Variants in EEF2 observed in about 807,000 individuals in gnomAD.
EEF2 encodes the protein eukaryotic translation elongation factor 2.
EEF2 carries 21 observed loss-of-function variants against 85.3 expected under a neutral mutation model. The observed-to-expected ratio is 0.25, with a 90% confidence interval of 0.17 to 0.35. The LOEUF (loss-of-function observed/expected upper bound fraction) is 0.35. Ranked by LOEUF, EEF2 falls within the 10% of genes least tolerant of loss-of-function variation. The probability of loss-of-function intolerance (pLI) is 1.00; values close to 1 mark genes in which losing one functional copy is unlikely to be tolerated. For synonymous variants in EEF2, 723 were observed against 508.8 expected (o/e 1.42, Z -5.67); for missense variants, 825 against 1,225.3 (o/e 0.67, Z 4.88).
chr19:3,978,803 C>CAAA (rs58074233), intron 11 of EEF2, among the ~76,000 whole-genome samples: 953 of 36,752 alleles, frequency 0.026, 155 homozygotes, highest in African/African-American at 0.069. Context: ...ACTCTTGTCT[C>CAAA]AAAAAAAAAA....
intron 6 of EEF2, 74 bp from the exon 7 acceptor site, chr19:3,981,526 G>A (rs1415108922): frequency 2.2e-6 from 3 of 1,390,344 alleles, no homozygotes; most frequent in Middle Eastern, 1.8e-4. Context: ...CTTCCTGCTT[G>A]GAAGACTCAG....
In EEF2 at chr19:3,982,029, T is replaced by C; in HGVS notation, c.815A>G (p.Lys272Arg). 1 of 1,614,162 alleles carries C rather than the reference T, an allele frequency of 6.2e-7. No individual in the cohort carries two copies. The highest frequency in any genetic ancestry group is 8.5e-7 in the Non-Finnish European group (1 of 1,180,016). ...GDRYFDPANGKFSKSATSPEG... is the reference protein window; with the variant it reads ...GDRYFDPANGRFSKSATSPEG... Reference sequence around the variant, plus strand: ...GGGGCTGGTGGCTGACTTGCTGAACTTGCCGTTGGCTGGGTCAAAGTACCT... The same window carrying C: ...GGGGCTGGTGGCTGACTTGCTGAACCTGCCGTTGGCTGGGTCAAAGTACCT... The change falls in exon 6 of 15, where the codon AAG (lysine) becomes AGG (arginine). Residue 272 changes from lysine to arginine, a missense_variant. Transcript: ENST00000309311.
intron 10 of EEF2, 41 bp downstream of exon 10, chr19:3,979,767 C>T: frequency 2.5e-6 from 4 of 1,596,244 alleles, no homozygotes; most frequent in South Asian, 2.2e-5. Flanking sequence ...AGCCGTCCCC[C>T]CTCAGGGTGT....
chr19:3,977,294 G>A lies in EEF2; in HGVS notation c.2304C>T (p.Gly768=). The change falls in exon 14 of 15, where the codon GGC becomes GGT. Residue 768 remains glycine (G), a synonymous_variant. Transcript: ENST00000309311. This position sits in a 1 kb window ranked among gnomAD's most constrained non-coding sequence, Gnocchi z 5.4. ...CCACCTGGGACTCCTCGAACACGTG[G>A]CCCCGCTTCCTGTTCAAAACCCCGT... ...GIYGVLNRKR[G]HVFEESQVAG... The A allele has an allele frequency of 1.2e-6, 2 of 1,607,498 alleles. No homozygotes were observed. The highest frequency in any genetic ancestry group is 2.2e-5 in the East Asian group (1 of 44,556).
chr19:3,981,909 G>C (rs2039753605), intron 6 of EEF2, 38 bp downstream of exon 6: 1 of 1,591,476 alleles, frequency 6.3e-7, no homozygotes, highest in Non-Finnish European at 8.6e-7. Flanking sequence ...AGGGCCAATA[G>C]TCGCATCGGC....
chr19:3,985,202 G>T, intron 1 of EEF2, 176 bp downstream of exon 1: 1 of 650,874 alleles, frequency 1.5e-6, no homozygotes, highest in Non-Finnish European at 2.3e-6. Flanking sequence ...AGGGCTCGGT[G>T]AACAGCGCGG....
intron 11 of EEF2, among the ~76,000 whole-genome samples, chr19:3,978,470 T>G (rs1416407076): frequency 2.6e-5 from 4 of 152,050 alleles, no homozygotes; most frequent in African/African-American, 7.2e-5. Flanking sequence ...TCCAGAGCAT[T>G]TGTGTTGTTT....
chr19:3,976,931 T>C (rs1251430956), intron 14 of EEF2, among the ~76,000 whole-genome samples, 184 bp from the exon 15 acceptor site: 1 of 152,196 alleles, frequency 6.6e-6, no homozygotes, highest in Admixed American at 6.5e-5. Context: ...CCGCTGCTCG[T>C]TTGGGACAAC....
intron 2 of EEF2, 90 bp downstream of exon 2, chr19:3,984,046 C>G (rs2039789618): frequency 7.1e-7 from 1 of 1,405,806 alleles, no homozygotes; most frequent in African/African-American, 1.4e-5. Context: ...GAGACGTTGC[C>G]AAGTCTCTCC....
At chr19:3,981,247 T>C in intron 7 of EEF2, 92 bp downstream of exon 7, 1 of 1,294,900 alleles carries the variant, frequency 7.7e-7, no homozygotes, top group East Asian at 2.3e-5. Context: ...CCTGCCCAGC[T>C]GAGGACTTCA....
Position 3,977,979 on chromosome 19 carries a change from G to A in EEF2, c.1907C>T (p.Ala636Val), listed in dbSNP as rs1173722167. Residue 636 changes from alanine to valine, a missense_variant, in exon 12 of 15, where the codon GCC becomes GTC. Physicochemically the swap from Ala to Val is moderately conservative, Grantham distance 64 (BLOSUM62 0). Transcript: ENST00000309311. This position sits in a 1 kb window ranked among gnomAD's most constrained non-coding sequence, Gnocchi z 5.4. ...QELKQRARYL[A>V]EKYEWDVAEA... ...AGCCACGTCCCACTCGTACTTCTCG[G>A]CCAGGTAGCGCGCCCGCTGCTTGAG... The A allele has an allele frequency of 3.7e-6, 6 of 1,612,966 alleles. No individual in the cohort carries two copies. The East Asian group carries it at 1.1e-4, about 30-fold the overall frequency.
chr19:3,979,639 T>C (rs2039720963), intron 10 of EEF2, among the ~76,000 whole-genome samples, 169 bp downstream of exon 10: 1 of 152,178 alleles, frequency 6.6e-6, no homozygotes. Context: ...TAGGAGAGGG[T>C]GGTGGCTGCC....
At chr19:3,982,616 C>T (rs1339702289) in intron 4 of EEF2, 191 bp downstream of exon 4, 3 of 1,045,802 alleles carry the variant, frequency 2.9e-6, no homozygotes, top group Non-Finnish European at 2.9e-6. Context: ...GTTCCCTGAG[C>T]TCGTCTCTTC....
At chr19:3,983,574 T>C (rs561687045) in intron 2 of EEF2, among the ~76,000 whole-genome samples, 2 of 152,038 alleles carry the variant, frequency 1.3e-5, no homozygotes, top group East Asian at 1.9e-4. Flanking sequence ...TGACTCAAAG[T>C]AGCAACTAAA....
At position 3,978,007 on chromosome 19, in the gene EEF2, C is replaced by G; in HGVS notation, c.1879G>C (p.Glu627Gln). Residue 627 changes from glutamate to glutamine, a missense_variant, in exon 12 of 15, where the codon GAG becomes CAG. Coordinates refer to ENST00000309311, the MANE Select transcript of EEF2 (RefSeq NM_001961.4). ...AGGTAGCGCGCCCGCTGCTTGAGCT[C>G]CTGACGGGCGGACACCTCGCCTTTA... ...IDKGEVSARQ[E>Q]LKQRARYLAE... 6.2e-7 allele frequency: 1 copy of G among 1,611,746 alleles called. No individual in the cohort carries two copies. Among genetic ancestry groups the G allele is most frequent in the Non-Finnish European group, 8.5e-7 (1 of 1,178,824 alleles).
rs1305014519 is a variant in EEF2 at position 3,979,323 on chromosome 19, C to T, written c.1713+6G>A. On this transcript the variant is annotated splice_donor_region_variant and intron_variant, in intron 11 of 14. Transcript: ENST00000309311. Reference sequence around the variant, plus strand: ...GCGTGGGGAAGGCTGGTCACTGGCGCCTCACCTTGATGGGGATGCAGGCGT... The same window carrying T: ...GCGTGGGGAAGGCTGGTCACTGGCGTCTCACCTTGATGGGGATGCAGGCGT... The T allele has an allele frequency of 1.2e-6, 2 of 1,613,022 alleles. No homozygotes were observed. The highest frequency in any genetic ancestry group is 4.5e-5 in the East Asian group (2 of 44,880).
Position 3,976,482 on chromosome 19 carries a change from C to G in EEF2, c.*72G>C. On this transcript the variant is annotated 3_prime_UTR_variant, in exon 15 of 15. Transcript: ENST00000309311. ...TGTCGGGACAGTCTCCAGGTGTCGTCTGAGAATTCGAGGACGTGGTGCTGT... is the reference window on the plus strand; with the variant it reads ...TGTCGGGACAGTCTCCAGGTGTCGTGTGAGAATTCGAGGACGTGGTGCTGT... The G allele has an allele frequency of 1.3e-6, 2 of 1,525,530 alleles. No individual in the cohort carries two copies. The highest frequency in any genetic ancestry group is 2.8e-5 in the African/African-American group (2 of 72,726). The allele number at this position is 1,525,530 out of a possible 1,614,324, so 94.5% of individuals were successfully genotyped here.
At chr19:3,978,313 G>GTGT (rs1024639403) in intron 11 of EEF2, 141 bp from the exon 12 acceptor site, 4 of 671,210 alleles carry the variant, frequency 6.0e-6, no homozygotes, top group Non-Finnish European at 9.4e-6. Flanking sequence ...AGCGGAGTCA[G>GTGT]TGTTGCAGTG....
At position 3,982,897 on chromosome 19, in the gene EEF2, G is replaced by A. The variant is rs555068664; in HGVS notation, c.522C>T (p.Leu174=). Residue 174 remains leucine, a synonymous_variant, in exon 4 of 15, where the codon CTC becomes CTT. Coordinates refer to ENST00000309311, the MANE Select transcript of EEF2 (RefSeq NM_001961.4). ...LLELQLEPEE[L]YQTFQRIVEN... is the part of the protein sequence containing the mutation. ...CCACGATGCGCTGGAAAGTCTGGTA[G>A]AGCTCCTCGGGCTCCAGCTGCAGCT... 989 of 1,613,688 alleles carry A rather than the reference G, an allele frequency of 6.1e-4. 13 individuals carry two copies. In the South Asian group the frequency reaches 9.2e-3, roughly 15 times the overall value.
Sources: allele counts gnomAD v4.1 joint callset (sites outside exome capture counted in the v4.1 genomes callset), GRCh38; gene constraint gnomAD v4.1.1; non-coding constraint Gnocchi (gnomAD v3.1); transcripts MANE v1.5; gene names NCBI Gene and HGNC (gene_info 2026-07-23, HGNC 2026-07-21).